Variants in TRIO observed in about 807,000 individuals in gnomAD.
TRIO encodes the protein trio Rho guanine nucleotide exchange factor, also known as triple functional domain protein.
In TRIO, 58 loss-of-function variants were observed where a neutral mutation model predicts 351.9. The ratio of observed to expected loss-of-function variants is 0.16; its 90% CI spans 0.13 to 0.21. The LOEUF (loss-of-function observed/expected upper bound fraction) is 0.21. TRIO is among the 10% of genes least tolerant of loss of function. The pLI is 1.00. For synonymous variants in TRIO, 1,758 were observed against 1,595.7 expected (o/e 1.10, Z -2.42); for missense variants, 3,201 against 4,027.8 (o/e 0.79, Z 5.56).
At chr5:14,145,243 T>TG (rs1250594352) in intron 1 of TRIO, among the ~76,000 whole-genome samples, 6 of 152,210 alleles carry the variant, frequency 3.9e-5, no homozygotes, top group African/African-American at 7.2e-5. Context: ...GGGAGGGCGA[T>TG]GGTGAGAGGC....
intron 41 of TRIO, 138 bp from the exon 42 acceptor site, chr5:14,479,123 T>C: frequency 2.8e-6 from 2 of 701,834 alleles, no homozygotes; most frequent in East Asian, 5.4e-5. Context: ...ATCTGGAATT[T>C]ACTCCCGAGA....
intron 36 of TRIO, among the ~76,000 whole-genome samples, chr5:14,463,971 T>C (rs569018680): frequency 2.0e-5 from 3 of 152,156 alleles, no homozygotes; most frequent in African/African-American, 7.2e-5. Context: ...CAGCACACTG[T>C]AAGGGTGCTG....
chr5:14,454,052 C>A (rs1019086504), intron 34 of TRIO, among the ~76,000 whole-genome samples: 1 of 152,098 alleles, frequency 6.6e-6, no homozygotes, highest in Non-Finnish European at 1.5e-5. Context: ...GCCTCAGCTT[C>A]CCGAGTAGCT....
intron 22 of TRIO, 36 bp from the exon 23 acceptor site, chr5:14,387,696 T>C: frequency 1.2e-6 from 2 of 1,610,650 alleles, no homozygotes; most frequent in Non-Finnish European, 1.7e-6. Context: ...TCTGCTGATT[T>C]AATTAACTGA....
At chr5:14,178,838 A>C (rs2152134687) in intron 1 of TRIO, among the ~76,000 whole-genome samples, 1 of 152,256 alleles carries the variant, frequency 6.6e-6, no homozygotes, top group South Asian at 2.1e-4. Flanking sequence ...ACCTCCTGTC[A>C]GTGGTGGTCT....
intron 37 of TRIO, among the ~76,000 whole-genome samples, chr5:14,468,101 A>G (rs1242849364): frequency 1.3e-5 from 2 of 152,216 alleles, no homozygotes; most frequent in Non-Finnish European, 2.9e-5. Flanking sequence ...ATTGCATTTT[A>G]TGTGGTCTGT....
At chr5:14,467,749 G>T (rs1754370963) in intron 37 of TRIO, among the ~76,000 whole-genome samples, 1 of 152,096 alleles carries the variant, frequency 6.6e-6, no homozygotes, top group South Asian at 2.1e-4. Flanking sequence ...GGAGGTTGAG[G>T]CTGCAGTGAG....
At chr5:14,368,029 G>A (rs1744753063) in intron 16 of TRIO, among the ~76,000 whole-genome samples, 1 of 152,170 alleles carries the variant, frequency 6.6e-6, no homozygotes, top group Non-Finnish European at 1.5e-5. Flanking sequence ...AGAGACCTGT[G>A]CTCTCCCTGA....
At chr5:14,420,854 C>T (rs961655593) in intron 34 of TRIO, 1 of 152,250 alleles carries the variant, frequency 6.6e-6, no homozygotes, top group African/African-American at 2.4e-5. Context: ...TCAAATAACA[C>T]TTGTTCTGAA....
At chr5:14,211,238 G>A (rs1791872330) in intron 1 of TRIO, among the ~76,000 whole-genome samples, 1 of 152,178 alleles carries the variant, frequency 6.6e-6, no homozygotes, top group African/African-American at 2.4e-5. Context: ...TGGGTTTCTA[G>A]TATCTCAGAA....
chr5:14,159,302 CT>C, intron 1 of TRIO, among the ~76,000 whole-genome samples: 1 of 141,310 alleles, frequency 7.1e-6, no homozygotes, highest in South Asian at 2.3e-4. Flanking sequence ...CCTGGGTTAA[CT>C]TTTCAGGAAA....
chr5:14,364,555 A>T (rs1579438505), intron 14 of TRIO, 95 bp from the exon 15 acceptor site: 3 of 1,461,256 alleles, frequency 2.1e-6, no homozygotes, highest in African/African-American at 2.8e-5. Context: ...AGCTGGGCAG[A>T]TCATTCACAA....
chr5:14,220,218 T>C (rs1792522316), intron 1 of TRIO, among the ~76,000 whole-genome samples: 1 of 152,176 alleles, frequency 6.6e-6, no homozygotes, highest in Non-Finnish European at 1.5e-5. Flanking sequence ...TATGGTGATC[T>C]CTGGTCAGTG....
In TRIO at chr5:14,488,229, A is replaced by T; in HGVS notation, c.7601A>T (p.Glu2534Val). 1 of 1,586,414 alleles carries T rather than the reference A, an allele frequency of 6.3e-7. No individual in the cohort carries two copies. Among genetic ancestry groups the T allele is most frequent in the Non-Finnish European group, 8.5e-7 (1 of 1,173,756 alleles). ...DRMSTCSSAS[E>V]QSVQSTQSNG... ...ATGAGCACGTGCTCCTCGGCCAGCG[A>T]GCAGTCCGTGCAGTCCACCCAGAGC... is the stretch of plus-strand genomic sequence containing the variant. The change falls in exon 48 of 57, where the codon GAG becomes GTG. Residue 2534 changes from glutamate to valine, a missense_variant. Physicochemically the swap from Glu to Val is moderately radical, Grantham distance 121. Transcript: ENST00000344204.
intron 1 of TRIO, among the ~76,000 whole-genome samples, chr5:14,171,099 C>A (rs1789072654): frequency 1.3e-5 from 2 of 151,990 alleles, no homozygotes; most frequent in South Asian, 2.1e-4. Flanking sequence ...GAAATTGTTA[C>A]AATTCTAGAG....
chr5:14,374,282 G>T lies in TRIO; in HGVS notation c.3270G>T (p.Arg1090Ser). The change falls in exon 19 of 57, where the codon AGG (arginine) becomes AGT (serine). Residue 1090 changes from arginine (R) to serine (S), a missense_variant. By Grantham distance (110) the Arg-to-Ser change is moderately radical. Coordinates refer to ENST00000344204, the MANE Select transcript of TRIO (RefSeq NM_007118.4). ...ACGTCTTCCTGAAATACCTGCACAGGAACAGCGTGAACATGCCAGGAATGG... is the reference window on the plus strand; with the variant it reads ...ACGTCTTCCTGAAATACCTGCACAGTAACAGCGTGAACATGCCAGGAATGG... ...NADVFLKYLH[R>S]NSVNMPGMVT... 6.2e-7 allele frequency: 1 copy of T among 1,613,752 alleles called. No individual in the cohort carries two copies. Among genetic ancestry groups the T allele is most frequent in the South Asian group, 1.1e-5 (1 of 91,048 alleles).
At chr5:14,443,573 C>T (rs954708393) in intron 34 of TRIO, among the ~76,000 whole-genome samples, 6 of 152,156 alleles carry the variant, frequency 3.9e-5, no homozygotes, top group South Asian at 4.1e-4. Flanking sequence ...TTGCAAAGCC[C>T]GTCTTACACC....
rs1182244487 is a variant in TRIO, at chr5:14,255,085, A to G, written c.158-15740A>G. On this transcript the variant is annotated intron_variant, in intron 1 of 56. Transcript: ENST00000344204. ...TCAGATTAATCTCTTGTCCACTAAT[A>G]TGCCTGTTTCTGTATTCTTCAACTC... 5.3e-5 allele frequency among the ~76,000 whole-genome samples: 8 copies of G among 152,270 alleles called. No individual in the cohort carries two copies. The South Asian group carries it at 1.0e-3, about 20-fold the overall frequency.
intron 1 of TRIO, among the ~76,000 whole-genome samples, chr5:14,237,566 C>T (rs928772328): frequency 1.3e-5 from 2 of 152,168 alleles, no homozygotes; most frequent in South Asian, 2.1e-4. Context: ...GCACATGTGT[C>T]GTGCGCACAC....
Sources: gnomAD v4.1 joint callset for allele counts (sites outside exome capture counted in the v4.1 genomes callset) on GRCh38, gnomAD v4.1.1 for gene constraint, MANE v1.5 for transcripts, NCBI Gene and HGNC (gene_info 2026-07-23, HGNC 2026-07-21) for gene names.